TEKT3: variants seen among roughly 807,000 people sequenced by gnomAD.
The protein encoded by TEKT3 is tektin-3.
In TEKT3, 49 loss-of-function variants were observed where a neutral mutation model predicts 49.8. The ratio of observed to expected loss-of-function variants is 0.98; its 90% CI spans 0.78 to 1.25. The LOEUF (loss-of-function observed/expected upper bound fraction) is 1.25. TEKT3 is among the 50% of genes most tolerant of loss of function. TEKT3 has a pLI of 0.00. For missense variants in TEKT3, 595 were observed against 629.5 expected (o/e 0.95, Z 0.59); for synonymous variants, 225 against 237.2 (o/e 0.95, Z 0.47).
At chr17:15,314,301 C>A in intron 5 of TEKT3, 71 bp from the exon 6 acceptor site, 1 of 1,585,270 alleles carries the variant, frequency 6.3e-7, no homozygotes, top group Non-Finnish European at 8.6e-7. Flanking sequence ...CATGAGTGCC[C>A]TTCCATATTG....
chr17:15,324,127 C>T (rs1251612480), intron 4 of TEKT3, among the ~76,000 whole-genome samples: 1 of 152,180 alleles, frequency 6.6e-6, no homozygotes, highest in Non-Finnish European at 1.5e-5. Context: ...TAATAAGCAA[C>T]CACAAACCTA....
At chr17:15,323,545 G>A (rs964525928) in intron 4 of TEKT3, among the ~76,000 whole-genome samples, 9 of 152,214 alleles carry the variant, frequency 5.9e-5, no homozygotes, top group African/African-American at 1.9e-4. Context: ...CCGACTGAAC[G>A]TAATAGTCAA....
At chr17:15,308,351 T>C (rs1396233120) in intron 8 of TEKT3, among the ~76,000 whole-genome samples, 1 of 152,208 alleles carries the variant, frequency 6.6e-6, no homozygotes, top group East Asian at 1.9e-4. Context: ...GTAGCGTTGA[T>C]GTCCTTTCCT....
At chr17:15,335,944 A>AG (rs1911962201) in intron 2 of TEKT3, among the ~76,000 whole-genome samples, 1 of 152,224 alleles carries the variant, frequency 6.6e-6, no homozygotes, top group African/African-American at 2.4e-5. Flanking sequence ...CACCTTGGTA[A>AG]CCTATGGTGC....
chr17:15,323,929 G>A (rs1016069497), intron 4 of TEKT3, among the ~76,000 whole-genome samples: 4 of 152,212 alleles, frequency 2.6e-5, no homozygotes, highest in Non-Finnish European at 4.4e-5. Flanking sequence ...AAACAGCTTT[G>A]TTGAGATATA....
intron 4 of TEKT3, among the ~76,000 whole-genome samples, chr17:15,327,516 CAAA>C (rs34068186): frequency 7.8e-6 from 1 of 128,134 alleles, no homozygotes; most frequent in Non-Finnish European, 1.7e-5. Context: ...GACTCTGTCT[CAAA>C]AAAAAAAAAA....
At chr17:15,321,623 C>G (rs1307345422) in intron 4 of TEKT3, among the ~76,000 whole-genome samples, 1 of 152,190 alleles carries the variant, frequency 6.6e-6, no homozygotes, top group Non-Finnish European at 1.5e-5. Context: ...TGCCTCACAC[C>G]TAAGGAAGTG....
chr17:15,305,519 T>C (rs1337089621), intron 8 of TEKT3, among the ~76,000 whole-genome samples: 6 of 152,182 alleles, frequency 3.9e-5, no homozygotes, highest in Non-Finnish European at 7.3e-5. Flanking sequence ...TCCCAGGGTA[T>C]AAAATATCAC....
rs749673995 is a variant in TEKT3, at chr17:15,314,232, T to A, written c.735-2A>T. On this transcript the variant is annotated splice_acceptor_variant, in intron 5 of 8. Transcript: ENST00000395930. LOFTEE classifies it high-confidence loss of function. ...TCATGCTGGGACGCTCTGTTGGCTC[T>A]GCAATACAGAGTCGGGAAGTGGAGC... 2 of 1,614,200 alleles carry A rather than the reference T, an allele frequency of 1.2e-6. No homozygotes were observed. The highest frequency in any genetic ancestry group is 1.7e-6 in the Non-Finnish European group (2 of 1,180,034).
rs1438807545 is a variant in TEKT3, at chr17:15,304,316, A to G, written c.1257-164T>C. Among the ~76,000 whole-genome samples, 1 of 152,238 alleles carries G rather than the reference A, an allele frequency of 6.6e-6. No homozygotes were observed. Among genetic ancestry groups the G allele is most frequent in the African/African-American group, 2.4e-5 (1 of 41,466 alleles). ...AAATTAATAAAATATAAAGAAATAT[A>G]AAGAGAATGGTGACAATGAACCAAT... On this transcript the variant is annotated intron_variant, in intron 8 of 8. Coordinates refer to ENST00000395930, the MANE Select transcript of TEKT3 (RefSeq NM_031898.3). This position sits in a 1 kb window ranked among gnomAD's most constrained non-coding sequence, Gnocchi z 4.7.
intron 4 of TEKT3, 95 bp from the exon 5 acceptor site, chr17:15,319,242 G>T: frequency 1.8e-6 from 2 of 1,099,416 alleles, no homozygotes; most frequent in South Asian, 1.7e-5. Flanking sequence ...GGAAAATTTT[G>T]TTTCTTAAAA....
intron 4 of TEKT3, among the ~76,000 whole-genome samples, chr17:15,320,192 C>T (rs1375550242): frequency 1.3e-5 from 2 of 152,144 alleles, no homozygotes; most frequent in African/African-American, 4.8e-5. Flanking sequence ...CCCCACCACC[C>T]CACCAAAAGC....
chr17:15,331,659 T>C, intron 2 of TEKT3, 45 bp from the exon 3 acceptor site: 2 of 1,417,478 alleles, frequency 1.4e-6, no homozygotes, highest in Non-Finnish European at 1.9e-6. Context: ...CATAAAATAA[T>C]CTCTGGTGAA....
intron 8 of TEKT3, among the ~76,000 whole-genome samples, chr17:15,307,256 CAG>C (rs1203879760): frequency 6.6e-6 from 1 of 152,164 alleles, no homozygotes; most frequent in Non-Finnish European, 1.5e-5. Context: ...AGGTACCTGA[CAG>C]GGGGATGGTA....
At chr17:15,343,226 T>C (rs1162369069), upstream of TEKT3, among the ~76,000 whole-genome samples, 2 of 152,270 alleles carry the variant, frequency 1.3e-5, no homozygotes, top group African/African-American at 4.8e-5. Context: ...GGTGAAATTA[T>C]AGCAGAATTT....
intron 1 of TEKT3, among the ~76,000 whole-genome samples, chr17:15,340,789 T>C (rs774780914): frequency 6.6e-5 from 10 of 152,202 alleles, no homozygotes; most frequent in Non-Finnish European, 1.3e-4. Context: ...TTGTGTGAAG[T>C]ATTTTATTTT....
chr17:15,309,521 C>G (rs1910682242), intron 7 of TEKT3, among the ~76,000 whole-genome samples: 1 of 152,174 alleles, frequency 6.6e-6, no homozygotes, highest in South Asian at 2.1e-4. Context: ...AAAAGCCTCC[C>G]TTCTCCACGC....
At chr17:15,340,773 T>C (rs1339029258) in intron 1 of TEKT3, among the ~76,000 whole-genome samples, 1 of 152,236 alleles carries the variant, frequency 6.6e-6, no homozygotes, top group African/African-American at 2.4e-5. Flanking sequence ...GGGTTCACTC[T>C]ACTTATTGTG....
intron 7 of TEKT3, among the ~76,000 whole-genome samples, chr17:15,310,533 A>G (rs1011027305): frequency 2.0e-5 from 3 of 152,178 alleles, no homozygotes; most frequent in African/African-American, 7.2e-5. Flanking sequence ...ATGTGAAGAC[A>G]CAGGGAGAAG....
Sources: gnomAD v4.1 joint callset for allele counts (sites outside exome capture counted in the v4.1 genomes callset) on GRCh38, gnomAD v4.1.1 for gene constraint, Gnocchi (gnomAD v3.1) non-coding constraint, MANE v1.5 for transcripts, NCBI Gene and HGNC (gene_info 2026-07-23, HGNC 2026-07-21) for gene names.